Variants in LIPJ observed in about 807,000 individuals in gnomAD.
The protein encoded by LIPJ is lipase member J.
Under a neutral mutation model 39.8 loss-of-function variants are expected in LIPJ, and 33 were observed. The observed-to-expected ratio is 0.83, with a 90% CI of 0.63 to 1.11. The LOEUF (loss-of-function observed/expected upper bound fraction) is 1.11, where lower values mean the gene tolerates loss of function less well. Among genes scored for constraint, LIPJ ranks in the 50% least tolerant of loss-of-function variants. The probability of loss-of-function intolerance (pLI) is 0.00; values close to 1 mark genes in which losing one functional copy is unlikely to be tolerated. For synonymous variants in LIPJ, 128 were observed against 139.2 expected, an observed-to-expected ratio of 0.92 and a Z score of 0.57; for missense variants, 422 against 427.9, an observed-to-expected ratio of 0.99 and a Z score of 0.12.
chr10:88,612,127 A>G, the LIPJ span, among the ~76,000 whole-genome samples: 244 of 152,346 alleles, frequency 1.6e-3, 1 homozygote, highest in Middle Eastern at 6.8e-3. Flanking sequence ...CTCCTTACAC[A>G]AAACAATTAT....
downstream of LIPJ, among the ~76,000 whole-genome samples, chr10:88,611,575 T>C (rs2861428): frequency 0.79 from 120,923 of 152,166 alleles, 48,632 homozygotes; most frequent in East Asian, 0.97. Flanking sequence ...AAAAAACAAT[T>C]ACCACTTCTG....
chr10:88,596,592 A>G (rs1851262271), intron 7 of LIPJ, among the ~76,000 whole-genome samples, 176 bp downstream of exon 7: 1 of 151,624 alleles, frequency 6.6e-6, no homozygotes, highest in African/African-American at 2.4e-5. Context: ...ACTTATTATA[A>G]CTTTAGAACC....
chr10:88,595,981 T>C (rs905735604), intron 6 of LIPJ, among the ~76,000 whole-genome samples: 10 of 151,572 alleles, frequency 6.6e-5, no homozygotes, highest in African/African-American at 1.9e-4. Flanking sequence ...CTGCAAGTTA[T>C]AAAAAATGTT....
intron 9 of LIPJ, among the ~76,000 whole-genome samples, chr10:88,604,523 AAATG>A (rs1178917962): frequency 2.6e-5 from 4 of 152,178 alleles, no homozygotes; most frequent in East Asian, 1.9e-4. Context: ...GAGGTGGTGA[AAATG>A]AATGGAGTCT....
At chr10:88,592,312 A>G (rs2134546453) in intron 4 of LIPJ, 1 of 152,008 alleles carries the variant, frequency 6.6e-6, no homozygotes, top group Admixed American at 6.6e-5. Flanking sequence ...ATATAATAAT[A>G]GTAATTATCC....
chr10:88,596,336 G>T, exon 7 of LIPJ: 1 of 1,549,522 alleles, frequency 6.5e-7, no homozygotes, highest in African/African-American at 1.4e-5. Context: ...AATATTTTTT[G>T]CTTTAGCACC....
upstream of LIPJ, chr10:88,582,963 C>T (rs919373300): frequency 1.0e-5 from 13 of 1,273,426 alleles, no homozygotes; most frequent in South Asian, 9.5e-5. Flanking sequence ...GCTCAGGGAG[C>T]TGAGGGTATA....
At chr10:88,621,290 A>G in the LIPJ span, among the ~76,000 whole-genome samples, 1 of 152,208 alleles carries the variant, frequency 6.6e-6, no homozygotes, top group Non-Finnish European at 1.5e-5. Flanking sequence ...AGTGATAAAC[A>G]GAGTGTGGTA....
intron 8 of LIPJ, among the ~76,000 whole-genome samples, chr10:88,601,255 CT>C (rs1026689086): frequency 6.6e-6 from 1 of 152,102 alleles, no homozygotes; most frequent in African/African-American, 2.4e-5. Flanking sequence ...AGGGCAGAGC[CT>C]TTACAGCTCA....
upstream of LIPJ, chr10:88,583,519 C>A: frequency 8.5e-7 from 1 of 1,182,040 alleles, no homozygotes; most frequent in Non-Finnish European, 1.1e-6. Context: ...CGCCTCGCAA[C>A]AGAGCTGACG....
chr10:88,606,166 C>G (rs1203589664), intron 10 of LIPJ, among the ~76,000 whole-genome samples: 2 of 152,038 alleles, frequency 1.3e-5, no homozygotes, highest in African/African-American at 4.8e-5. Flanking sequence ...AGTACTAGAA[C>G]CCAAGTCTGT....
Position 88,597,073 on chromosome 10 carries a change from A to AT in LIPJ, c.723+141dup, listed in dbSNP as rs1359254951. On this transcript the variant is annotated intron_variant, in intron 8 of 10. Coordinates refer to ENST00000371939, the Ensembl canonical transcript of LIPJ. ...AGTAGTCAGATTCTTAGCCTATCTG[A>AT]TTTTATGACTACACCAACATTGTAC... The AT allele has an allele frequency of 4.2e-5, 22 of 517,682 alleles. 1 individual carries two copies. The Admixed American group carries it at 5.0e-4, about 12-fold the overall frequency. The allele number at this position is 517,682 out of a possible 1,614,324, so 32.1% of individuals were successfully genotyped here.
intron 8 of LIPJ, among the ~76,000 whole-genome samples, chr10:88,601,031 T>G (rs1472655036): frequency 6.6e-6 from 1 of 152,022 alleles, no homozygotes; most frequent in African/African-American, 2.4e-5. Context: ...TCACTGCAAC[T>G]TCTGCCTCCC....
At chr10:88,609,031 C>T (rs959384262), downstream of LIPJ, among the ~76,000 whole-genome samples, 3 of 152,120 alleles carry the variant, frequency 2.0e-5, no homozygotes, top group Non-Finnish European at 4.4e-5. Context: ...GGTTTTGAGC[C>T]GCTTGTTCAG....
At chr10:88,584,320 C>T (rs1850830365), upstream of LIPJ, 1 of 151,820 alleles carries the variant, frequency 6.6e-6, no homozygotes, top group Non-Finnish European at 1.5e-5. Flanking sequence ...TGGAATTGAA[C>T]AGAAAATACA....
chr10:88,602,283 G>GGTGTAT (rs2134576772), intron 8 of LIPJ, among the ~76,000 whole-genome samples: 1 of 151,978 alleles, frequency 6.6e-6, no homozygotes, highest in East Asian at 1.9e-4. Flanking sequence ...GCTTTCAAAA[G>GGTGTAT]GTGTATGTGT....
At chr10:88,583,378 C>G (rs1411944903), upstream of LIPJ, 4 of 1,389,448 alleles carry the variant, frequency 2.9e-6, no homozygotes, top group African/African-American at 4.5e-5. Context: ...CTGAGAGGCC[C>G]CTCCGTCCTT....
chr10:88,596,189 T>C, intron 6 of LIPJ, 91 bp from the exon 7 acceptor site: 1 of 861,568 alleles, frequency 1.2e-6, no homozygotes, highest in South Asian at 3.8e-5. Flanking sequence ...AAACTATTTT[T>C]GAACTTACTC....
At chr10:88,605,526 C>G in intron 9 of LIPJ, 107 bp from the exon 10 acceptor site, 2 of 743,520 alleles carry the variant, frequency 2.7e-6, no homozygotes, top group South Asian at 3.1e-5. Flanking sequence ...TGCATAAATA[C>G]CAGCAGACCC....
Sources: gnomAD v4.1 joint callset for allele counts (sites outside exome capture counted in the v4.1 genomes callset) on GRCh38, gnomAD v4.1.1 for gene constraint, MANE v1.5 for transcripts, NCBI Gene and HGNC (gene_info 2026-07-23, HGNC 2026-07-21) for gene names.